The following CA1 variants were observed in gnomAD, a reference collection of about 807,000 sequenced individuals.
The protein encoded by CA1 is carbonate dehydratase I.
CA1 carries 27 observed loss-of-function variants against 28.8 expected under a neutral mutation model. The observed-to-expected ratio is 0.94, with a 90% CI of 0.69 to 1.29. The LOEUF is 1.29. CA1 is among the 50% of genes most tolerant of loss of function. CA1 has a pLI of 0.00. For synonymous variants in CA1, 121 were observed against 108.8 expected (o/e 1.11, Z -0.70); for missense variants, 335 against 310.5 (o/e 1.08, Z -0.59).
At chr8:85,369,778 G>A (rs1810148596) in intron 1 of CA1, among the ~76,000 whole-genome samples, 1 of 152,124 alleles carries the variant, frequency 6.6e-6, no homozygotes, top group Non-Finnish European at 1.5e-5. Context: ...TAATCTTGAT[G>A]TTCTCCACTC....
chr8:85,375,980 C>A (rs975976104), intron 1 of CA1, among the ~76,000 whole-genome samples: 1 of 152,112 alleles, frequency 6.6e-6, no homozygotes, highest in Non-Finnish European at 1.5e-5. Flanking sequence ...TGAATTCAGT[C>A]GAGTAGTGAA....
chr8:85,348,532 A>G (rs905539833), intron 1 of CA1, among the ~76,000 whole-genome samples: 6 of 152,190 alleles, frequency 3.9e-5, no homozygotes, highest in African/African-American at 1.2e-4. Context: ...ACGACTCATT[A>G]CTCAAGGGCA....
chr8:85,369,118 C>T (rs548405709), intron 1 of CA1, among the ~76,000 whole-genome samples: 2 of 152,282 alleles, frequency 1.3e-5, no homozygotes, highest in South Asian at 4.1e-4. Flanking sequence ...GAATCTCCCC[C>T]ACCTCAGTTA....
At chr8:85,340,387 G>C (rs1808865996) in intron 2 of CA1, among the ~76,000 whole-genome samples, 1 of 152,142 alleles carries the variant, frequency 6.6e-6, no homozygotes, top group African/African-American at 2.4e-5. Context: ...CAAGCCCACT[G>C]TTGAGCTCTA....
chr8:85,338,558 T>C (rs1808762063), intron 2 of CA1, 109 bp from the exon 3 acceptor site: 1 of 819,816 alleles, frequency 1.2e-6, no homozygotes, highest in Admixed American at 1.7e-5. Flanking sequence ...TTTCAGTGTA[T>C]TAAATGATAT....
chr8:85,361,982 AG>A (rs1809814705), intron 1 of CA1, among the ~76,000 whole-genome samples: 2 of 152,180 alleles, frequency 1.3e-5, no homozygotes. Context: ...AATCATCAAA[AG>A]TTTAGCCTCT....
intron 1 of CA1, among the ~76,000 whole-genome samples, chr8:85,367,522 T>A (rs117869582): frequency 0.015 from 2,350 of 152,338 alleles, 29 homozygotes; most frequent in South Asian, 0.049. Flanking sequence ...GTAAAAAATC[T>A]TTGCTTTGTG....
chr8:85,329,887 T>C, intron 6 of CA1, 43 bp from the exon 7 acceptor site: 5 of 1,425,332 alleles, frequency 3.5e-6, no homozygotes, highest in South Asian at 1.2e-5. Context: ...TATAAAATAC[T>C]TATATGAATA....
chr8:85,372,334 T>C (rs1810259469), intron 1 of CA1, among the ~76,000 whole-genome samples: 1 of 152,168 alleles, frequency 6.6e-6, no homozygotes, highest in Admixed American at 6.6e-5. Flanking sequence ...GTGTTGGCGA[T>C]GATGTGGAGA....
intron 6 of CA1, among the ~76,000 whole-genome samples, chr8:85,332,045 A>G (rs1808428131): frequency 6.6e-6 from 1 of 152,190 alleles, no homozygotes; most frequent in African/African-American, 2.4e-5. Flanking sequence ...AAGTTTGTAT[A>G]TATCAAAAAA....
chr8:85,332,423 T>A, intron 6 of CA1, 67 bp downstream of exon 6: 1 of 1,308,156 alleles, frequency 7.6e-7, no homozygotes, highest in Non-Finnish European at 1.1e-6. Flanking sequence ...TAATACTTCA[T>A]TAAATGATTT....
intron 3 of CA1, 95 bp from the exon 4 acceptor site, chr8:85,337,158 A>T: frequency 2.5e-6 from 2 of 796,326 alleles, no homozygotes; most frequent in African/African-American, 1.7e-5. Context: ...TGTATTGAGT[A>T]GAAGTGAAAA....
At chr8:85,352,192 G>C (rs965920637) in intron 1 of CA1, among the ~76,000 whole-genome samples, 1 of 152,188 alleles carries the variant, frequency 6.6e-6, no homozygotes, top group South Asian at 2.1e-4. Flanking sequence ...GATGGAGAAA[G>C]TATGTTTTGA....
chr8:85,375,343 A>G (rs569183042), intron 1 of CA1, among the ~76,000 whole-genome samples: 1 of 152,294 alleles, frequency 6.6e-6, no homozygotes, highest in East Asian at 1.9e-4. Context: ...GAACTCACCT[A>G]TCGCATGCTG....
At chr8:85,341,027 C>A in intron 2 of CA1, 1 of 153,240 alleles carries the variant, frequency 6.5e-6, no homozygotes, top group Non-Finnish European at 1.5e-5. Flanking sequence ...CACCTGTAGT[C>A]CCAGCTACTC....
chr8:85,376,545 C>A (rs1810423166), intron 1 of CA1, among the ~76,000 whole-genome samples: 1 of 151,332 alleles, frequency 6.6e-6, no homozygotes, highest in African/African-American at 2.4e-5. Flanking sequence ...GCCTGTAGTC[C>A]CAGGTACTCC....
At chr8:85,341,399 T>C (rs373080255) in intron 2 of CA1, 200 bp downstream of exon 2, 11 of 515,874 alleles carry the variant, frequency 2.1e-5, no homozygotes, top group African/African-American at 1.5e-4. Context: ...CCTGTATATA[T>C]ATATATCAAA....
intron 1 of CA1, among the ~76,000 whole-genome samples, chr8:85,364,078 C>G (rs113218091): frequency 6.6e-6 from 1 of 151,894 alleles, no homozygotes. Flanking sequence ...TGGGCTCAAG[C>G]GATCTGCCCA....
chr8:85,336,468 T>G (rs767788722), intron 4 of CA1, among the ~76,000 whole-genome samples: 26 of 152,206 alleles, frequency 1.7e-4, no homozygotes, highest in Non-Finnish European at 3.1e-4. Flanking sequence ...CAGGGAAGGT[T>G]AGACCCTCAT....
Sources: gnomAD v4.1 joint callset for allele counts (sites outside exome capture counted in the v4.1 genomes callset) on GRCh38, gnomAD v4.1.1 for gene constraint, MANE v1.5 for transcripts, NCBI Gene and HGNC (gene_info 2026-07-23, HGNC 2026-07-21) for gene names.